The following ASXL2 variants were observed in gnomAD, a reference collection of about 807,000 sequenced individuals.
ASXL2 encodes the protein putative Polycomb group protein ASXL2.
ASXL2 carries 23 observed loss-of-function variants against 122.0 expected under a neutral mutation model. The ratio of observed to expected loss-of-function variants is 0.19; its 90% CI spans 0.14 to 0.27. The LOEUF is 0.27. Ranked by LOEUF, ASXL2 falls within the 10% of genes least tolerant of loss-of-function variation. ASXL2 has a pLI of 1.00. For missense variants in ASXL2, 1,518 were observed against 1,713.8 expected, an observed-to-expected ratio of 0.89 and a Z score of 2.02; for synonymous variants, 650 against 637.0, an observed-to-expected ratio of 1.02 and a Z score of -0.31.
At chr2:25,857,321 C>T (rs537027650) in intron 1 of ASXL2, among the ~76,000 whole-genome samples, 4 of 152,088 alleles carry the variant, frequency 2.6e-5, no homozygotes, top group Non-Finnish European at 4.4e-5. Flanking sequence ...TCACTTGGCA[C>T]TATCTAGACA....
chr2:25,878,081 G>C (rs1266430146), intron 1 of ASXL2, 85 bp downstream of exon 1: 1 of 1,545,118 alleles, frequency 6.5e-7, no homozygotes. Context: ...GGGTCCCTGG[G>C]CCAGTGACCT....
At chr2:25,800,149 T>C (rs546186841) in intron 4 of ASXL2, among the ~76,000 whole-genome samples, 4 of 151,914 alleles carry the variant, frequency 2.6e-5, no homozygotes, top group Non-Finnish European at 5.9e-5. Context: ...ATACAAAAAT[T>C]AGCCAGGTAT....
At chr2:25,784,155 G>A (rs1396489347) in intron 5 of ASXL2, among the ~76,000 whole-genome samples, 1 of 152,110 alleles carries the variant, frequency 6.6e-6, no homozygotes, top group Non-Finnish European at 1.5e-5. Flanking sequence ...GGGGGCTGAG[G>A]CAGGAGGATG....
chr2:25,842,770 G>A (rs1362099174), intron 2 of ASXL2, among the ~76,000 whole-genome samples: 4 of 23,048 alleles, frequency 1.7e-4, no homozygotes, highest in African/African-American at 3.4e-4. Flanking sequence ...GTGTGTGCAC[G>A]TGTGTGTGTG....
At chr2:25,821,172 T>A (rs1321372282) in intron 3 of ASXL2, among the ~76,000 whole-genome samples, 1 of 151,750 alleles carries the variant, frequency 6.6e-6, no homozygotes, top group Non-Finnish European at 1.5e-5. Context: ...AGAGCAAGAC[T>A]CCGTCTCAAA....
chr2:25,830,449 T>C (rs1045276753), intron 3 of ASXL2, among the ~76,000 whole-genome samples: 1 of 151,958 alleles, frequency 6.6e-6, no homozygotes, highest in African/African-American at 2.4e-5. Context: ...CTGACCAGTA[T>C]GGTGAAACCC....
At chr2:25,810,247 C>T in intron 3 of ASXL2, 8 of 621,252 alleles carry the variant, frequency 1.3e-5, no homozygotes, top group South Asian at 9.7e-5. Flanking sequence ...TCTGTGAGTT[C>T]CAAGTCTCTT....
At chr2:25,872,833 A>G (rs1268017725) in intron 1 of ASXL2, among the ~76,000 whole-genome samples, 1 of 152,198 alleles carries the variant, frequency 6.6e-6, no homozygotes, top group Non-Finnish European at 1.5e-5. Flanking sequence ...AAAACTATCA[A>G]GGAATTAGCT....
At chr2:25,856,535 A>T in intron 1 of ASXL2, 1 of 1,125,320 alleles carries the variant, frequency 8.9e-7, no homozygotes, top group South Asian at 1.2e-5. Flanking sequence ...TCAATCCTCA[A>T]ATGAGTTGGT....
At chr2:25,753,912 AAGCAT>A (rs2088088858) in intron 10 of ASXL2, among the ~76,000 whole-genome samples, 1 of 152,148 alleles carries the variant, frequency 6.6e-6, no homozygotes, top group South Asian at 2.1e-4. Context: ...CTCACGCTCC[AAGCAT>A]CACACTCCAT....
At chr2:25,822,783 T>C in intron 3 of ASXL2, 1 of 576,558 alleles carries the variant, frequency 1.7e-6, no homozygotes, top group Non-Finnish European at 3.4e-6. Context: ...CTTCAGTAAT[T>C]GGAAACACTG....
chr2:25,872,897 G>A (rs1160757041), intron 1 of ASXL2, among the ~76,000 whole-genome samples: 1 of 151,804 alleles, frequency 6.6e-6, no homozygotes, highest in Non-Finnish European at 1.5e-5. Context: ...TTTTTTCCCA[G>A]AAGTCTCTAT....
At chr2:25,851,182 G>A (rs1203688035) in intron 1 of ASXL2, among the ~76,000 whole-genome samples, 1 of 151,784 alleles carries the variant, frequency 6.6e-6, no homozygotes, top group Non-Finnish European at 1.5e-5. Context: ...AAAAGGGCAG[G>A]ATAAGTAACT....
At chr2:25,831,963 G>T (rs2089459053) in intron 3 of ASXL2, among the ~76,000 whole-genome samples, 1 of 152,172 alleles carries the variant, frequency 6.6e-6, no homozygotes. Context: ...TGAATGAAAA[G>T]AACTGTCAAT....
Position 25,743,123 on chromosome 2 carries a change from G to C in ASXL2, c.3214C>G (p.Gln1072Glu), listed in dbSNP as rs1439666962. The C allele has an allele frequency of 6.2e-7, 1 of 1,614,030 alleles. No individual in the cohort carries two copies. The change falls in exon 13 of 13, where the codon CAG becomes GAG. Residue 1072 changes from glutamine (Q) to glutamate (E), a missense_variant. By Grantham distance (29) the Gln-to-Glu change is conservative. Coordinates refer to ENST00000435504, the MANE Select transcript of ASXL2 (RefSeq NM_018263.6). ...AGAAGATTCTGCCTCCGAACCCTCT[G>C]AATGAGAGTCTGAAGGATCTGATCT... is the stretch of plus-strand genomic sequence containing the variant. ...TQDQILQTLI[Q>E]RVRRQNLLSV...
At position 25,738,727 on chromosome 2, in the gene ASXL2, T is replaced by C. The variant is rs1303781131; in HGVS notation, c.*3302A>G. The C allele has an allele frequency of 3.3e-5, 5 of 152,334 alleles. No individual in the cohort carries two copies. The highest frequency in any genetic ancestry group is 6.5e-5 in the Admixed American group (1 of 15,298). The allele number at this position is 152,334 out of a possible 1,614,324, so 9.4% of individuals were successfully genotyped here. ...GTCAGGTCATTAATATGTATGACTT[T>C]GCACCTTCACCTGGAAGGCAATGAG... is the stretch of plus-strand genomic sequence containing the variant. On this transcript the variant is annotated 3_prime_UTR_variant, in exon 13 of 13. Transcript: ENST00000435504.
At chr2:25,823,647 G>C (rs938993057) in intron 3 of ASXL2, among the ~76,000 whole-genome samples, 2 of 151,870 alleles carry the variant, frequency 1.3e-5, no homozygotes, top group Non-Finnish European at 2.9e-5. Flanking sequence ...TTAAGAGTCT[G>C]TACATTTAGA....
chr2:25,773,665 CAA>C (rs55641820), intron 5 of ASXL2, among the ~76,000 whole-genome samples: 8 of 135,814 alleles, frequency 5.9e-5, no homozygotes, highest in African/African-American at 8.4e-5. Flanking sequence ...GACTCCATCT[CAA>C]AAAAAAAAAA....
intron 1 of ASXL2, among the ~76,000 whole-genome samples, chr2:25,864,887 A>G (rs2089882535): frequency 6.6e-6 from 1 of 151,444 alleles, no homozygotes; most frequent in East Asian, 2.0e-4. Context: ...GCTGCAGTAC[A>G]ATAGCGCGAT....
Sources: allele counts gnomAD v4.1 joint callset (sites outside exome capture counted in the v4.1 genomes callset), GRCh38; gene constraint gnomAD v4.1.1; transcripts MANE v1.5; gene names NCBI Gene and HGNC (gene_info 2026-07-23, HGNC 2026-07-21).